Variants in SPAST observed in about 807,000 individuals in gnomAD.
The protein encoded by SPAST is spastin, also known as spastic paraplegia 4 (autosomal dominant; spastin).
SPAST carries 30 observed loss-of-function variants against 76.6 expected under a neutral mutation model. That is an observed-to-expected ratio of 0.39 (90% CI 0.29 to 0.53). The LOEUF (loss-of-function observed/expected upper bound fraction) is 0.53. Among genes scored for constraint, SPAST ranks in the 20% least tolerant of loss-of-function variants. The pLI is 0.68. For missense variants in SPAST, 717 were observed against 770.5 expected, an observed-to-expected ratio of 0.93 and a Z score of 0.82; for synonymous variants, 305 against 281.0, an observed-to-expected ratio of 1.09 and a Z score of -0.86.
At chr2:32,148,701 C>T (rs1029081357) in intron 16 of SPAST, among the ~76,000 whole-genome samples, 2 of 151,796 alleles carry the variant, frequency 1.3e-5, no homozygotes, top group South Asian at 2.1e-4. Context: ...GTCCCAGCTA[C>T]TTGGGAGGCT....
chr2:32,154,211 T>C (rs1433567038), intron 16 of SPAST, among the ~76,000 whole-genome samples, 163 bp from the exon 17 acceptor site: 1 of 152,212 alleles, frequency 6.6e-6, no homozygotes, highest in South Asian at 2.1e-4. Flanking sequence ...CAGATCAACA[T>C]AGAAAATATA....
intron 9 of SPAST, among the ~76,000 whole-genome samples, chr2:32,131,830 T>C (rs1679379584): frequency 6.6e-6 from 1 of 151,928 alleles, no homozygotes. Flanking sequence ...ACTTGGCTAA[T>C]TTTTGTATTT....
intron 13 of SPAST, 48 bp from the exon 14 acceptor site, chr2:32,143,288 C>A (rs2148759303): frequency 8.8e-7 from 1 of 1,131,586 alleles, no homozygotes; most frequent in South Asian, 1.3e-5. Context: ...AGAAAAGAAT[C>A]ATTAATTCTG....
chr2:32,125,190 TA>T (rs1015525099), intron 7 of SPAST, among the ~76,000 whole-genome samples: 6 of 151,122 alleles, frequency 4.0e-5, no homozygotes, highest in African/African-American at 7.3e-5. Flanking sequence ...CTAAAATCAC[TA>T]AAAAAAAAGT....
chr2:32,152,260 C>G (rs529983085), intron 16 of SPAST, among the ~76,000 whole-genome samples: 2 of 152,172 alleles, frequency 1.3e-5, no homozygotes, highest in South Asian at 4.2e-4. Context: ...ACAATTACAT[C>G]AACATCTTTT....
At chr2:32,091,736 A>G (rs1446974761) in intron 3 of SPAST, among the ~76,000 whole-genome samples, 5 of 151,924 alleles carry the variant, frequency 3.3e-5, no homozygotes. Flanking sequence ...TGGGAGGCTG[A>G]GGCAGGAGAA....
Position 32,090,714 on chromosome 2 carries a change from G to C in SPAST, c.586+1109G>C, listed in dbSNP as rs545494278. On this transcript the variant is annotated intron_variant, in intron 3 of 16. Coordinates refer to ENST00000315285, the MANE Select transcript of SPAST (RefSeq NM_014946.4). ...TCCAATTTATTTGTTGATGAAACCA[G>C]GTCTTTGTCATGTAATATTTCCTAC... Among the ~76,000 whole-genome samples the C allele has an allele frequency of 2.0e-4, 30 of 152,206 alleles. No individual in the cohort carries two copies. In the East Asian group the frequency reaches 4.4e-3, roughly 22 times the overall value.
chr2:32,135,863 G>C (rs549476847), intron 9 of SPAST, among the ~76,000 whole-genome samples: 3 of 152,088 alleles, frequency 2.0e-5, no homozygotes, highest in Admixed American at 6.5e-5. Flanking sequence ...AAGAAGGGCA[G>C]GCTTAAAGAC....
At chr2:32,122,468 T>C (rs958055752) in intron 7 of SPAST, among the ~76,000 whole-genome samples, 1 of 152,084 alleles carries the variant, frequency 6.6e-6, no homozygotes, top group Non-Finnish European at 1.5e-5. Context: ...ATTATAGGCA[T>C]GCACCACCAC....
At chr2:32,140,987 CT>C (rs1679702623) in intron 12 of SPAST, among the ~76,000 whole-genome samples, 1 of 137,026 alleles carries the variant, frequency 7.3e-6, no homozygotes, top group African/African-American at 2.7e-5. Context: ...CTGGTTTTTC[CT>C]TTTTTGCTTA....
At chr2:32,138,212 TTA>T (rs1312591134) in intron 12 of SPAST, among the ~76,000 whole-genome samples, 1 of 152,242 alleles carries the variant, frequency 6.6e-6, no homozygotes, top group Non-Finnish European at 1.5e-5. Context: ...TAGATTTGTT[TTA>T]TGTTTTTTGA....
intron 3 of SPAST, among the ~76,000 whole-genome samples, chr2:32,093,453 G>A (rs1677802064): frequency 6.6e-6 from 1 of 152,158 alleles, no homozygotes; most frequent in African/African-American, 2.4e-5. Flanking sequence ...CTGCACTCTA[G>A]CCTGGATGAC....
intron 1 of SPAST, among the ~76,000 whole-genome samples, chr2:32,087,000 T>G (rs1280730253): frequency 6.6e-6 from 1 of 152,118 alleles, no homozygotes; most frequent in African/African-American, 2.4e-5. Flanking sequence ...AAATGTGTTA[T>G]TAAATGCCAC....
intron 1 of SPAST, among the ~76,000 whole-genome samples, chr2:32,086,225 G>A (rs1412115552): frequency 1.3e-5 from 2 of 152,028 alleles, no homozygotes; most frequent in Non-Finnish European, 2.9e-5. Context: ...CGGGAGACCA[G>A]GGCAGGAGGA....
At chr2:32,109,400 C>CGCCTG (rs1678446677) in intron 4 of SPAST, among the ~76,000 whole-genome samples, 1 of 151,954 alleles carries the variant, frequency 6.6e-6, no homozygotes, top group African/African-American at 2.4e-5. Context: ...TGAGCCACCA[C>CGCCTG]GCCTGGCCTT....
chr2:32,096,603 C>G (rs1677924672), intron 3 of SPAST, among the ~76,000 whole-genome samples: 1 of 152,052 alleles, frequency 6.6e-6, no homozygotes, highest in African/African-American at 2.4e-5. Context: ...AATCTGAATT[C>G]TGTGTACACG....
At chr2:32,091,335 C>T (rs1677709286) in intron 3 of SPAST, among the ~76,000 whole-genome samples, 1 of 148,896 alleles carries the variant, frequency 6.7e-6, no homozygotes, top group African/African-American at 2.5e-5. Context: ...GGCTGGAGTG[C>T]AGTGGTGCAA....
In SPAST at chr2:32,156,026, T is replaced by G. The variant is rs1343193875; in HGVS notation, c.*1530T>G. On this transcript the variant is annotated 3_prime_UTR_variant, in exon 17 of 17. Transcript: ENST00000315285. ...TAAAGATTTGTTTGAATATAGAAGA[T>G]GCATGATTTCTGGGTTTTTTTTTTT... The G allele has an allele frequency of 6.6e-6, 1 of 152,000 alleles. No homozygotes were observed. Among genetic ancestry groups the G allele is most frequent in the East Asian group, 1.9e-4 (1 of 5,166 alleles). The allele number at this position is 152,000 out of a possible 1,614,324, so 9.4% of individuals were successfully genotyped here.
intron 8 of SPAST, 50 bp downstream of exon 8, chr2:32,127,072 TA>T: frequency 7.8e-7 from 1 of 1,282,454 alleles, no homozygotes; most frequent in Non-Finnish European, 1.1e-6. Context: ...TTTGGGATAA[TA>T]TGAAAAAAAG....
Sources: gnomAD v4.1 joint callset for allele counts (sites outside exome capture counted in the v4.1 genomes callset) on GRCh38, gnomAD v4.1.1 for gene constraint, MANE v1.5 for transcripts, NCBI Gene and HGNC (gene_info 2026-07-23, HGNC 2026-07-21) for gene names.